Variants in RSRC1 observed in about 807,000 individuals in gnomAD.
RSRC1 encodes serine/Arginine-related protein 53.
Under a neutral mutation model 49.1 loss-of-function variants are expected in RSRC1, and 39 were observed. That is an observed-to-expected ratio of 0.79 (90% CI 0.61 to 1.04). The LOEUF is 1.04. Ranked by LOEUF, RSRC1 falls within the 50% of genes least tolerant of loss-of-function variation. The pLI is 0.00. For synonymous variants in RSRC1, 143 were observed against 130.8 expected (o/e 1.09, Z -0.63); for missense variants, 388 against 402.4 (o/e 0.96, Z 0.31).
At chr3:158,468,724 A>G (rs1560056184) in intron 7 of RSRC1, among the ~76,000 whole-genome samples, 1 of 152,142 alleles carries the variant, frequency 6.6e-6, no homozygotes, top group East Asian at 1.9e-4. Context: ...ATAAAATTGT[A>G]CCTGTTTTTA....
intron 4 of RSRC1, chr3:158,276,341 G>T: frequency 1.3e-6 from 1 of 770,084 alleles, no homozygotes; most frequent in East Asian, 2.5e-5. Context: ...GGTACTGCCA[G>T]CAGCAGACCC....
Position 158,293,730 on chromosome 3 carries a change from C to G in RSRC1, c.495-4309C>G, listed in dbSNP as rs191914978. On this transcript the variant is annotated intron_variant, in intron 4 of 9. Coordinates refer to ENST00000611884, the MANE Select transcript of RSRC1 (RefSeq NM_001271838.2). ...TCTTTGTGTGGTGAATTTTCTGAAA[C>G]CTTGTATGCTGAGAATTTCTTTATA... Among the ~76,000 whole-genome samples the G allele has an allele frequency of 4.6e-5, 7 of 152,064 alleles. No individual in the cohort carries two copies. In the East Asian group the frequency reaches 1.4e-3, roughly 29 times the overall value.
chr3:158,307,112 A>G (rs73031646), intron 5 of RSRC1, among the ~76,000 whole-genome samples: 1,750 of 151,662 alleles, frequency 0.012, 29 homozygotes, highest in African/African-American at 0.04. Flanking sequence ...CTTCTCTTCT[A>G]TGATCTGGAT....
intron 6 of RSRC1, among the ~76,000 whole-genome samples, chr3:158,387,721 G>A (rs989825846): frequency 6.6e-6 from 1 of 152,166 alleles, no homozygotes. Flanking sequence ...CTTTTAGTGT[G>A]TGACCAAGGA....
chr3:158,120,866 C>T (rs972279781), intron 1 of RSRC1, among the ~76,000 whole-genome samples: 30 of 149,896 alleles, frequency 2.0e-4, no homozygotes, highest in Admixed American at 2.0e-3. Flanking sequence ...TTTTATATGA[C>T]TTTGAAAGAT....
At chr3:158,409,028 G>A (rs535938689) in intron 6 of RSRC1, among the ~76,000 whole-genome samples, 69 of 151,868 alleles carry the variant, frequency 4.5e-4, no homozygotes, top group South Asian at 1.3e-3. Context: ...ACAAGATTCC[G>A]TCTGAATAAT....
In RSRC1 at chr3:158,118,413, C is replaced by CTGTGTGTGTG. The variant is rs57257889; in HGVS notation, c.-2-3649_-2-3640dup. Among the ~76,000 whole-genome samples, 375 of 90,104 alleles carry CTGTGTGTGTG rather than the reference C, an allele frequency of 4.2e-3. 1 individual carries two copies. Among genetic ancestry groups the CTGTGTGTGTG allele is most frequent in the Admixed American group, 6.8e-3 (58 of 8,532 alleles). 59.1% of individuals were successfully genotyped at this position (90,104 alleles called of 152,430 possible). A position where few individuals can be genotyped will look rare whatever the true frequency, so the allele number is the denominator to read the frequency against. ...CATGCCTAGCTAAGTACCTGGCCTT[C>CTGTGTGTGTG]TGTGTGTGTGTGTGTGTGTGTGTGT... On this transcript the variant is annotated intron_variant, in intron 1 of 9. Coordinates refer to ENST00000611884, the MANE Select transcript of RSRC1 (RefSeq NM_001271838.2).
intron 3 of RSRC1, among the ~76,000 whole-genome samples, chr3:158,199,082 G>A (rs1331237188): frequency 3.9e-5 from 6 of 152,074 alleles, no homozygotes; most frequent in Non-Finnish European, 5.9e-5. Context: ...TCTTTCTCAC[G>A]CTATTCTCAT....
At chr3:158,282,022 A>T (rs1726208197) in intron 4 of RSRC1, among the ~76,000 whole-genome samples, 1 of 152,168 alleles carries the variant, frequency 6.6e-6, no homozygotes, top group Non-Finnish European at 1.5e-5. Context: ...TCATACTGGT[A>T]CACATACTTG....
intron 7 of RSRC1, among the ~76,000 whole-genome samples, chr3:158,532,503 T>C (rs890936390): frequency 6.6e-6 from 1 of 151,812 alleles, no homozygotes; most frequent in African/African-American, 2.4e-5. Context: ...AAATGTGAAA[T>C]TGTCAAATAT....
rs1047651430 is a variant in RSRC1 at position 158,389,650 on chromosome 3, C to T, written c.583+34742C>T. Among the ~76,000 whole-genome samples, 6 of 152,154 alleles carry T rather than the reference C, an allele frequency of 3.9e-5. No individual in the cohort carries two copies. The East Asian group carries it at 5.8e-4, about 15-fold the overall frequency. The stretch of plus-strand genomic sequence containing the variant: ...ATACTCTTTCAATTTACTTAGTAGG[C>T]GAGTTCTGGAAAATTTAGCATGAGT... On this transcript the variant is annotated intron_variant, in intron 6 of 9. Coordinates refer to ENST00000611884, the MANE Select transcript of RSRC1 (RefSeq NM_001271838.2).
At chr3:158,535,979 A>T (rs1180055519) in intron 7 of RSRC1, among the ~76,000 whole-genome samples, 1 of 151,486 alleles carries the variant, frequency 6.6e-6, no homozygotes, top group Non-Finnish European at 1.5e-5. Context: ...ATAGAGTATC[A>T]CCATTTTACA....
chr3:158,170,016 A>G (rs13072413), intron 3 of RSRC1, among the ~76,000 whole-genome samples: 86,387 of 151,968 alleles, frequency 0.57, 24,898 homozygotes, highest in East Asian at 0.73. Flanking sequence ...TGGGCTTACT[A>G]TATTGATCTT....
intron 4 of RSRC1, among the ~76,000 whole-genome samples, chr3:158,264,144 T>A (rs974017551): frequency 1.3e-5 from 2 of 152,184 alleles, no homozygotes; most frequent in African/African-American, 4.8e-5. Context: ...ATTTCCAGCC[T>A]TTCAGCTTTT....
intron 6 of RSRC1, among the ~76,000 whole-genome samples, chr3:158,404,125 G>T (rs1362261201): frequency 6.6e-6 from 1 of 151,734 alleles, no homozygotes; most frequent in Non-Finnish European, 1.5e-5. Flanking sequence ...AATTTTTCAG[G>T]GAAGTGCATC....
At chr3:158,222,094 G>A (rs749158931) in intron 4 of RSRC1, among the ~76,000 whole-genome samples, 2 of 145,208 alleles carry the variant, frequency 1.4e-5, no homozygotes, top group Non-Finnish European at 3.0e-5. Context: ...GTAAATAATA[G>A]TAAGAGGGGC....
At chr3:158,436,009 G>A (rs943154783) in intron 6 of RSRC1, among the ~76,000 whole-genome samples, 9 of 151,774 alleles carry the variant, frequency 5.9e-5, no homozygotes, top group African/African-American at 1.9e-4. Context: ...TGTCTTAAAT[G>A]TTTCTAAAAC....
intron 5 of RSRC1, among the ~76,000 whole-genome samples, chr3:158,301,580 A>G (rs1278928577): frequency 6.6e-6 from 1 of 152,142 alleles, no homozygotes; most frequent in Non-Finnish European, 1.5e-5. Context: ...TAACACCAAT[A>G]CTGTTACTCA....
chr3:158,295,193 A>G (rs1727167931), intron 4 of RSRC1, among the ~76,000 whole-genome samples: 1 of 152,124 alleles, frequency 6.6e-6, no homozygotes, highest in Non-Finnish European at 1.5e-5. Flanking sequence ...GTTTAGGATG[A>G]GTCCTGAAGG....
Sources: gnomAD v4.1 joint callset for allele counts (sites outside exome capture counted in the v4.1 genomes callset) on GRCh38, gnomAD v4.1.1 for gene constraint, MANE v1.5 for transcripts, NCBI Gene and HGNC (gene_info 2026-07-23, HGNC 2026-07-21) for gene names.